Variants in NDRG4 observed in about 807,000 individuals in gnomAD.
The protein encoded by NDRG4 is protein NDRG4.
NDRG4 carries 38 observed loss-of-function variants against 55.8 expected under a neutral mutation model. That is an observed-to-expected ratio of 0.68 (90% confidence interval 0.53 to 0.89). NDRG4 has a LOEUF of 0.89. NDRG4 is among the 40% of genes least tolerant of loss of function. The pLI, the probability that NDRG4 is intolerant of heterozygous loss-of-function variation, is 0.00. For synonymous variants in NDRG4, 190 were observed against 182.7 expected (o/e 1.04, Z -0.32); for missense variants, 455 against 468.6 (o/e 0.97, Z 0.27).
chr16:58,509,398 G>A, intron 13 of NDRG4, 46 bp downstream of exon 13: 1 of 1,596,500 alleles, frequency 6.3e-7, no homozygotes, highest in Non-Finnish European at 8.5e-7. Context: ...AGACCGGTGG[G>A]CAGGCAGTGC....
Position 58,477,629 on chromosome 16 carries a change from A to G in NDRG4, c.-23-10127A>G, listed in dbSNP as rs72790233. ...AACTCTTTCTTACAGGATAATTCCA[A>G]TAAGTGTAGAAGAGATTATGGAAAT... On this transcript the variant is annotated intron_variant, in intron 1 of 15. Transcript: ENST00000258187. Among the ~76,000 whole-genome samples, 844 of 152,324 alleles carry G rather than the reference A, an allele frequency of 5.5e-3. 5 individuals carry two copies. Among genetic ancestry groups the G allele is most frequent in the Non-Finnish European group, 8.1e-3 (554 of 68,030 alleles).
chr16:58,486,981 G>C (rs983086233), intron 1 of NDRG4, among the ~76,000 whole-genome samples: 60 of 114,046 alleles, frequency 5.3e-4, no homozygotes, highest in African/African-American at 2.0e-3. Flanking sequence ...ACAGAGGCTT[G>C]TCCTGGGAGC....
In NDRG4 at chr16:58,506,458, C is replaced by CTGGGCTGCCACCAAGGTGTGTG; in HGVS notation, c.448_459+10dup. The CTGGGCTGCCACCAAGGTGTGTG allele has an allele frequency of 6.4e-7, 1 of 1,570,438 alleles. No individual in the cohort carries two copies. Among genetic ancestry groups the CTGGGCTGCCACCAAGGTGTGTG allele is most frequent in the Non-Finnish European group, 8.7e-7 (1 of 1,155,796 alleles). ...ACCCCAATGGCAAAGGCTGGATAGA[C>CTGGGCTGCCACCAAGGTGTGTG]TGGGCTGCCACCAAGGTGTGTGTGG... On this transcript the variant is annotated frameshift_variant, in exon 6 of 15. Coordinates refer to ENST00000570248, the MANE Select transcript of NDRG4 (RefSeq NM_001242835.2). LOFTEE classifies it high-confidence loss of function.
At chr16:58,489,505 C>T (rs759183614) in intron 2 of NDRG4, among the ~76,000 whole-genome samples, 2 of 151,840 alleles carry the variant, frequency 1.3e-5, no homozygotes, top group Non-Finnish European at 2.9e-5. Context: ...TTATTCAGGC[C>T]TCTGCTCAAA....
intron 1 of NDRG4, among the ~76,000 whole-genome samples, chr16:58,482,665 A>ATCCCTCCCTCCCTTCC (rs2034553825): frequency 5.6e-5 from 4 of 71,142 alleles, no homozygotes; most frequent in Non-Finnish European, 9.0e-5. Flanking sequence ...CTCTCTTTCC[A>ATCCCTCCCTCCCTTCC]TCCCTCCCTT....
intron 13 of NDRG4, 96 bp from the exon 14 acceptor site, chr16:58,510,549 G>T (rs183012252): frequency 8.8e-5 from 92 of 1,049,298 alleles, no homozygotes; most frequent in Admixed American, 3.6e-4. Context: ...CATCTCTCTG[G>T]CTCATCTCAA....
At position 58,511,501 on chromosome 16, in the gene NDRG4, C is replaced by A; in HGVS notation, c.984C>A (p.Arg328=). 1 of 1,612,940 alleles carries A rather than the reference C, an allele frequency of 6.2e-7. No homozygotes were observed. Among genetic ancestry groups the A allele is most frequent in the South Asian group, 1.1e-5 (1 of 91,070 alleles). ...GTGCCAGCTCGGTGGATGGCAGCCG[C>A]CCACAGGCCTGCACCCACTCAGAGA... ...LTSASSVDGS[R]PQACTHSESS... The change falls in exon 15 of 15, where the codon CGC becomes CGA. Residue 328 remains arginine (R), a synonymous_variant. Coordinates refer to ENST00000570248, the MANE Select transcript of NDRG4 (RefSeq NM_001242835.2).
At chr16:58,491,283 A>C (rs925746941) in intron 2 of NDRG4, among the ~76,000 whole-genome samples, 13 of 151,922 alleles carry the variant, frequency 8.6e-5, no homozygotes, top group African/African-American at 3.1e-4. Flanking sequence ...CTCTAAATAA[A>C]TAAAGCCCCA....
chr16:58,472,645 G>A (rs1262866876), intron 1 of NDRG4, among the ~76,000 whole-genome samples: 1 of 152,164 alleles, frequency 6.6e-6, no homozygotes, highest in Non-Finnish European at 1.5e-5. Flanking sequence ...AGAGGAAGAT[G>A]GGGTGTCCCT....
intron 5 of NDRG4, among the ~76,000 whole-genome samples, chr16:58,505,273 C>T (rs543871206): frequency 4.0e-5 from 6 of 151,886 alleles, no homozygotes; most frequent in East Asian, 1.9e-4. Context: ...GGCGTGAACC[C>T]GGGAGGCGGA....
intron 2 of NDRG4, among the ~76,000 whole-genome samples, chr16:58,492,539 T>C (rs1335385040): frequency 1.6e-5 from 1 of 61,970 alleles, no homozygotes; most frequent in African/African-American, 5.9e-5. Flanking sequence ...TGTGTGTGTG[T>C]GTGTGTGTGT....
chr16:58,463,993 C>A, intron 1 of NDRG4: 1 of 159,718 alleles, frequency 6.3e-6, no homozygotes, highest in Non-Finnish European at 1.4e-5. Flanking sequence ...CCCTCCTCCC[C>A]GCGGCTCCCG....
At position 58,513,153 on chromosome 16, in the gene NDRG4, A is replaced by G. The variant is rs1246761949; in HGVS notation, c.*1577A>G. The G allele has an allele frequency of 7.5e-6, 1 of 132,684 alleles. No homozygotes were observed. The highest frequency in any genetic ancestry group is 2.9e-5 in the African/African-American group (1 of 34,286). The allele number at this position is 132,684 out of a possible 1,614,324, so 8.2% of individuals were successfully genotyped here. On this transcript the variant is annotated 3_prime_UTR_variant, in exon 15 of 15. Coordinates refer to ENST00000570248, the MANE Select transcript of NDRG4 (RefSeq NM_001242835.2). ...TTGCTGTTTCCAGATGTATCTATAA[A>G]TATCTATACATTATATGTGTGTGTG...
At chr16:58,491,956 A>G (rs1218408772) in intron 2 of NDRG4, among the ~76,000 whole-genome samples, 1 of 151,438 alleles carries the variant, frequency 6.6e-6, no homozygotes, top group African/African-American at 2.4e-5. Flanking sequence ...TCATTTTTCT[A>G]TTTTGTAGAG....
intron 1 of NDRG4, chr16:58,501,652 C>T (rs2037129186): frequency 4.3e-6 from 1 of 233,916 alleles, no homozygotes; most frequent in East Asian, 1.1e-4. Context: ...CAGGGTTCAG[C>T]GAAGGTCACT....
Position 58,506,916 on chromosome 16 carries a change from A to C in NDRG4, c.521A>C (p.Glu174Ala). 1 of 1,613,816 alleles carries C rather than the reference A, an allele frequency of 6.2e-7. No individual in the cohort carries two copies. The highest frequency in any genetic ancestry group is 8.5e-7 in the Non-Finnish European group (1 of 1,179,860). Residue 174 changes from glutamate to alanine, a missense_variant, in exon 8 of 15, where the codon GAG becomes GCG. Glu to Ala is a moderately radical substitution (Grantham distance 107). Coordinates refer to ENST00000570248, the MANE Select transcript of NDRG4 (RefSeq NM_001242835.2). ...TVLSHLFSQE[E>A]LVNNTELVQS... The stretch of plus-strand genomic sequence containing the variant: ...CATCCATCTCCCTGGGCCTAGGAGG[A>C]GCTGGTGAACAACACAGAGTTGGTG...
chr16:58,473,133 TCTC>T (rs907513877), intron 1 of NDRG4, among the ~76,000 whole-genome samples: 4 of 152,088 alleles, frequency 2.6e-5, no homozygotes, highest in African/African-American at 9.7e-5. Context: ...CTCTGTTCCT[TCTC>T]CTCCTTCCTC....
At position 58,503,820 on chromosome 16, in the gene NDRG4, A is replaced by G; in HGVS notation, c.44A>G (p.Tyr15Cys). The stretch of plus-strand genomic sequence containing the variant: ...CAGGAACATGACATCGAGACACCCT[A>G]CGGCCTTCTGCATGTAGTGATCCGG... ...WDGEHDIETPYGLLHVVIRGS... is the reference protein window; with the variant it reads ...WDGEHDIETPCGLLHVVIRGS... The change falls in exon 2 of 15, where the codon TAC becomes TGC. Residue 15 changes from tyrosine to cysteine, a missense_variant. By Grantham distance (194) the Tyr-to-Cys change is radical. Coordinates refer to ENST00000570248, the MANE Select transcript of NDRG4 (RefSeq NM_001242835.2). 6.2e-7 allele frequency: 1 copy of G among 1,613,908 alleles called. No individual in the cohort carries two copies.
intron 1 of NDRG4, chr16:58,501,735 C>T (rs1462773841): frequency 3.2e-6 from 1 of 309,156 alleles, no homozygotes; most frequent in Non-Finnish European, 6.6e-6. Context: ...GAGATGAGCC[C>T]TAGTAGAGCC....
Sources: gnomAD v4.1 joint callset for allele counts (sites outside exome capture counted in the v4.1 genomes callset) on GRCh38, gnomAD v4.1.1 for gene constraint, MANE v1.5 for transcripts, NCBI Gene and HGNC (gene_info 2026-07-23, HGNC 2026-07-21) for gene names.